SULF1: variants seen among roughly 807,000 people sequenced by gnomAD.
SULF1 encodes sulfatase 1.
A neutral mutation model predicts 110.5 loss-of-function variants in SULF1; 46 were observed. The observed-to-expected ratio is 0.42, with a 90% CI of 0.33 to 0.53. SULF1 has a LOEUF of 0.53. SULF1 is among the 20% of genes least tolerant of loss of function. The pLI is 0.12. For missense variants in SULF1, 941 were observed against 1,094.2 expected, an observed-to-expected ratio of 0.86 and a Z score of 1.98; for synonymous variants, 371 against 387.1, an observed-to-expected ratio of 0.96 and a Z score of 0.49.
intron 1 of SULF1, among the ~76,000 whole-genome samples, chr8:69,494,951 A>G (rs967728029): frequency 6.6e-6 from 1 of 152,034 alleles, no homozygotes; most frequent in Non-Finnish European, 1.5e-5. Flanking sequence ...GGCACTGAGC[A>G]GTGTAGGTGG....
chr8:69,487,143 A>G (rs1809746693), intron 1 of SULF1, among the ~76,000 whole-genome samples: 1 of 152,212 alleles, frequency 6.6e-6, no homozygotes, highest in African/African-American at 2.4e-5. Flanking sequence ...AGGCCAATTT[A>G]TTTGGTTAAT....
intron 19 of SULF1, among the ~76,000 whole-genome samples, chr8:69,631,496 C>CAG (rs1363486050): frequency 6.6e-6 from 1 of 152,224 alleles, no homozygotes; most frequent in Non-Finnish European, 1.5e-5. Context: ...GCTGAGGCTT[C>CAG]AGTGAGCTGT....
At chr8:69,578,289 C>A (rs948954342) in intron 6 of SULF1, among the ~76,000 whole-genome samples, 1 of 152,092 alleles carries the variant, frequency 6.6e-6, no homozygotes, top group African/African-American at 2.4e-5. Context: ...CAAATTTACA[C>A]CCACAAGAAT....
intron 3 of SULF1, among the ~76,000 whole-genome samples, chr8:69,528,574 T>C (rs72658244): frequency 6.6e-6 from 1 of 152,302 alleles, no homozygotes; most frequent in Admixed American, 6.5e-5. Context: ...TGGAATATTT[T>C]GTTATCTAAA....
Position 69,596,434 on chromosome 8 carries a change from T to A in SULF1, c.735-4169T>A, listed in dbSNP as rs546566636. Among the ~76,000 whole-genome samples the A allele has an allele frequency of 1.9e-3, 296 of 152,318 alleles. 1 individual carries two copies. The highest frequency in any genetic ancestry group is 2.2e-3 in the Non-Finnish European group (151 of 68,020). On this transcript the variant is annotated intron_variant, in intron 8 of 22. Transcript: ENST00000402687. ...TCTACCTTTTCATGGATGCATCCAG[T>A]GTGCCTAGAAGGGCCAGACTTTATT... is the stretch of plus-strand genomic sequence containing the variant.
intron 13 of SULF1, among the ~76,000 whole-genome samples, chr8:69,605,949 G>A (rs557838800): frequency 1.3e-5 from 2 of 152,254 alleles, no homozygotes; most frequent in East Asian, 1.9e-4. Flanking sequence ...TGCCTTCCAA[G>A]GTAAGTTACA....
At chr8:69,511,710 A>G (rs1311700663) in intron 3 of SULF1, among the ~76,000 whole-genome samples, 2 of 152,194 alleles carry the variant, frequency 1.3e-5, no homozygotes, top group African/African-American at 4.8e-5. Flanking sequence ...CTACACTGAC[A>G]CATCATTGTC....
chr8:69,477,892 C>A (rs1274918154), intron 1 of SULF1, among the ~76,000 whole-genome samples: 1 of 151,920 alleles, frequency 6.6e-6, no homozygotes, highest in Non-Finnish European at 1.5e-5. Flanking sequence ...GTGTCTCGCT[C>A]TGTCACTCAG....
At chr8:69,544,838 A>G (rs1451839126) in intron 3 of SULF1, among the ~76,000 whole-genome samples, 1 of 152,198 alleles carries the variant, frequency 6.6e-6, no homozygotes, top group Non-Finnish European at 1.5e-5. Flanking sequence ...AAGAAAATAT[A>G]GAATATTTTT....
intron 13 of SULF1, among the ~76,000 whole-genome samples, chr8:69,616,770 C>T (rs1809183618): frequency 1.5e-5 from 2 of 135,752 alleles, no homozygotes; most frequent in Non-Finnish European, 3.1e-5. Context: ...CCAGGCTGGT[C>T]TTGAACCCCT....
intron 3 of SULF1, among the ~76,000 whole-genome samples, chr8:69,525,926 C>T (rs1376964482): frequency 1.3e-5 from 2 of 152,148 alleles, no homozygotes; most frequent in African/African-American, 4.8e-5. Flanking sequence ...AGGGATGAAG[C>T]GTCTTTAGCA....
chr8:69,505,894 GTT>G (rs951864840), intron 3 of SULF1, among the ~76,000 whole-genome samples: 1 of 145,372 alleles, frequency 6.9e-6, no homozygotes, highest in Admixed American at 6.9e-5. Flanking sequence ...TCGCTTAAGA[GTT>G]TTTTTTTTTT....
At chr8:69,599,870 T>C (rs1347128107) in intron 8 of SULF1, among the ~76,000 whole-genome samples, 1 of 152,150 alleles carries the variant, frequency 6.6e-6, no homozygotes, top group Non-Finnish European at 1.5e-5. Flanking sequence ...TGGGATACCA[T>C]GTGGATCTCT....
At chr8:69,588,847 T>G (rs1806660119) in intron 7 of SULF1, 125 bp from the exon 8 acceptor site, 1 of 856,298 alleles carries the variant, frequency 1.2e-6, no homozygotes. Context: ...GGTGCAGCCT[T>G]CCTTCCTGCT....
intron 3 of SULF1, among the ~76,000 whole-genome samples, chr8:69,529,369 C>T (rs1052288335): frequency 2.6e-5 from 4 of 152,188 alleles, no homozygotes; most frequent in Non-Finnish European, 4.4e-5. Flanking sequence ...GTTAGCACTA[C>T]GTTGATGCTC....
chr8:69,601,842 CTGTT>C lies in SULF1; in HGVS notation c.1061+16_1061+19del. On this transcript the variant is annotated intron_variant, in intron 10 of 22. Coordinates refer to ENST00000402687, the MANE Select transcript of SULF1 (RefSeq NM_001128205.2). Reference sequence around the variant, plus strand: ...AACCAGGATCAATGTACGTATTTCTCTGTTTGCAACATTCAACTGTCGTACCTCA... The same window carrying C: ...AACCAGGATCAATGTACGTATTTCTCTGCAACATTCAACTGTCGTACCTCA... 7 of 1,590,712 alleles carry C rather than the reference CTGTT, an allele frequency of 4.4e-6. No individual in the cohort carries two copies. Among genetic ancestry groups the C allele is most frequent in the Middle Eastern group, 1.7e-4 (1 of 5,984 alleles).
chr8:69,603,106 A>G (rs1369857839), intron 10 of SULF1, 86 bp from the exon 11 acceptor site: 33 of 1,574,918 alleles, frequency 2.1e-5, no homozygotes, highest in Non-Finnish European at 2.7e-5. Flanking sequence ...TTGAAGGCCA[A>G]TGAGTCACTG....
chr8:69,598,052 C>T (rs1210152112), intron 8 of SULF1, among the ~76,000 whole-genome samples: 1 of 151,698 alleles, frequency 6.6e-6, no homozygotes. Flanking sequence ...GGCTTAAGTC[C>T]CTCCCCACTT....
intron 4 of SULF1, 80 bp from the exon 5 acceptor site, chr8:69,563,836 G>A: frequency 1.3e-6 from 1 of 795,518 alleles, no homozygotes; most frequent in Non-Finnish European, 2.0e-6. Flanking sequence ...TGACTTATTT[G>A]TAGCCCTTTC....
Sources: gnomAD v4.1 joint callset for allele counts (sites outside exome capture counted in the v4.1 genomes callset) on GRCh38, gnomAD v4.1.1 for gene constraint, MANE v1.5 for transcripts, NCBI Gene and HGNC (gene_info 2026-07-23, HGNC 2026-07-21) for gene names.